Variants in DIP2B observed in about 807,000 individuals in gnomAD.
DIP2B encodes the protein disco-interacting protein 2 homolog B.
A neutral mutation model predicts 198.0 loss-of-function variants in DIP2B; 76 were observed. That is an observed-to-expected ratio of 0.38 (90% CI 0.32 to 0.46). The LOEUF is 0.46. DIP2B is among the 20% of genes least tolerant of loss of function. DIP2B has a pLI of 0.99. For synonymous variants in DIP2B, 701 were observed against 739.1 expected (o/e 0.95, Z 0.84); for missense variants, 1,559 against 1,978.4 (o/e 0.79, Z 4.02).
At chr12:50,706,800 T>A in intron 21 of DIP2B, 135 bp downstream of exon 21, 1 of 979,182 alleles carries the variant, frequency 1.0e-6, no homozygotes, top group Non-Finnish European at 1.4e-6. Flanking sequence ...TGCATAAGCC[T>A]GGCTTTTTTT....
At chr12:50,635,856 A>G (rs972653766) in intron 2 of DIP2B, among the ~76,000 whole-genome samples, 1 of 152,212 alleles carries the variant, frequency 6.6e-6, no homozygotes, top group African/African-American at 2.4e-5. Flanking sequence ...TGGCTATCTC[A>G]ACATTTTTGT....
chr12:50,677,140 G>C (rs1938959810), intron 7 of DIP2B, among the ~76,000 whole-genome samples: 1 of 151,960 alleles, frequency 6.6e-6, no homozygotes, highest in African/African-American at 2.4e-5. Flanking sequence ...TGTTCACCTG[G>C]CTAATTCCTG....
intron 1 of DIP2B, among the ~76,000 whole-genome samples, chr12:50,585,088 T>G (rs1162379285): frequency 1.3e-5 from 2 of 152,224 alleles, no homozygotes; most frequent in Non-Finnish European, 2.9e-5. Context: ...TGGACTCTTC[T>G]GTTTCTGGCT....
intron 1 of DIP2B, among the ~76,000 whole-genome samples, chr12:50,576,038 G>C (rs1353254311): frequency 1.3e-5 from 2 of 151,442 alleles, no homozygotes; most frequent in Non-Finnish European, 2.9e-5. Flanking sequence ...AATTACAAGT[G>C]TGAGCCACCG....
At chr12:50,700,075 G>C (rs1380608856) in intron 19 of DIP2B, among the ~76,000 whole-genome samples, 1 of 152,194 alleles carries the variant, frequency 6.6e-6, no homozygotes, top group Non-Finnish European at 1.5e-5. Context: ...CAGTCTTTCA[G>C]TCAGACAAAT....
At position 50,714,360 on chromosome 12, in the gene DIP2B, G is replaced by T. The variant is rs761151265; in HGVS notation, c.2650-35G>T. 2.1e-5 allele frequency: 34 copies of T among 1,611,168 alleles called. No homozygotes were observed. The East Asian group carries it at 6.9e-4, about 33-fold the overall frequency. On this transcript the variant is annotated intron_variant, in intron 22 of 37. Transcript: ENST00000301180. ...GGAATATGTCAAATGTAATAGAAGT[G>T]ATCTCACTGAGTATTTTTGTTTGTA...
At chr12:50,681,090 T>A (rs7955736) in intron 9 of DIP2B, among the ~76,000 whole-genome samples, 29,584 of 152,102 alleles carry the variant, frequency 0.19, 3,812 homozygotes, top group Non-Finnish European at 0.29. Flanking sequence ...GCAACAAAAC[T>A]TACTCTCTGA....
chr12:50,666,914 C>G (rs1431377561), intron 4 of DIP2B, among the ~76,000 whole-genome samples: 1 of 152,020 alleles, frequency 6.6e-6, no homozygotes, highest in African/African-American at 2.4e-5. Context: ...CCCAGCTACT[C>G]GGGACGCTGA....
intron 1 of DIP2B, among the ~76,000 whole-genome samples, chr12:50,613,292 G>A (rs1468684758): frequency 1.3e-5 from 2 of 152,172 alleles, no homozygotes; most frequent in Non-Finnish European, 1.5e-5. Context: ...ATGGATTAAT[G>A]TATGTGATTG....
intron 1 of DIP2B, among the ~76,000 whole-genome samples, chr12:50,615,213 AAAG>A (rs1168635153): frequency 1.3e-5 from 2 of 152,212 alleles, no homozygotes; most frequent in Admixed American, 6.5e-5. Flanking sequence ...ATAAAGGGGG[AAAG>A]AAGAAGCAAT....
At chr12:50,520,316 G>A (rs372381545) in intron 1 of DIP2B, among the ~76,000 whole-genome samples, 6 of 152,214 alleles carry the variant, frequency 3.9e-5, no homozygotes, top group South Asian at 4.1e-4. Flanking sequence ...GACTACAGGC[G>A]TGAGCCACCG....
At chr12:50,647,694 A>C (rs1176070136) in intron 3 of DIP2B, among the ~76,000 whole-genome samples, 2 of 152,164 alleles carry the variant, frequency 1.3e-5, no homozygotes, top group Non-Finnish European at 2.9e-5. Flanking sequence ...CTCTGTCCCT[A>C]TCTGTCTGTC....
At chr12:50,595,412 C>T (rs528775166) in intron 1 of DIP2B, among the ~76,000 whole-genome samples, 73 of 152,304 alleles carry the variant, frequency 4.8e-4, no homozygotes, top group Admixed American at 7.2e-4. Flanking sequence ...CTCAACTTGC[C>T]TCCCACTTCA....
intron 9 of DIP2B, among the ~76,000 whole-genome samples, chr12:50,682,231 C>T (rs766889823): frequency 3.3e-5 from 5 of 151,680 alleles, no homozygotes; most frequent in Admixed American, 6.6e-5. Context: ...TATATCCATA[C>T]GGTTTCCACC....
intron 1 of DIP2B, among the ~76,000 whole-genome samples, chr12:50,539,478 C>T (rs143601022): frequency 3.9e-5 from 6 of 151,916 alleles, no homozygotes; most frequent in East Asian, 3.9e-4. Flanking sequence ...ATTAGCTGAG[C>T]GTAGTGGCAG....
At chr12:50,666,586 G>A (rs1238961514) in intron 4 of DIP2B, among the ~76,000 whole-genome samples, 2 of 152,162 alleles carry the variant, frequency 1.3e-5, no homozygotes, top group Non-Finnish European at 2.9e-5. Flanking sequence ...GTAGGGAGGA[G>A]AATCAGCAAG....
intron 1 of DIP2B, among the ~76,000 whole-genome samples, chr12:50,529,522 A>C (rs1958197248): frequency 6.6e-6 from 1 of 152,184 alleles, no homozygotes. Context: ...GTGATGATTT[A>C]GTCACTGCTA....
intron 1 of DIP2B, among the ~76,000 whole-genome samples, chr12:50,622,703 C>T (rs530469330): frequency 2.0e-5 from 3 of 152,322 alleles, no homozygotes; most frequent in Non-Finnish European, 4.4e-5. Flanking sequence ...CCTCTGCCTC[C>T]TGTGTTCAAG....
At chr12:50,700,420 A>G (rs773197846) in intron 19 of DIP2B, among the ~76,000 whole-genome samples, 33 of 152,104 alleles carry the variant, frequency 2.2e-4, no homozygotes, top group Non-Finnish European at 4.4e-4. Context: ...AAGCACTCCT[A>G]TTTTTCAGTT....
Sources: allele counts gnomAD v4.1 joint callset (sites outside exome capture counted in the v4.1 genomes callset), GRCh38; gene constraint gnomAD v4.1.1; transcripts MANE v1.5; gene names NCBI Gene and HGNC (gene_info 2026-07-23, HGNC 2026-07-21).